SGCZ: variants seen among roughly 807,000 people sequenced by gnomAD.
SGCZ encodes zeta-sarcoglycan.
A neutral mutation model predicts 41.3 loss-of-function variants in SGCZ; 40 were observed. The ratio of observed to expected loss-of-function variants is 0.97; its 90% CI spans 0.75 to 1.26. The LOEUF is 1.26. SGCZ is among the 50% of genes most tolerant of loss of function. The pLI, the probability that SGCZ is intolerant of heterozygous loss-of-function variation, is 0.00. For missense variants in SGCZ, 552 were observed against 369.8 expected (o/e 1.49, Z -4.04); for synonymous variants, 206 against 137.5 (o/e 1.50, Z -3.49).
intron 1 of SGCZ, among the ~76,000 whole-genome samples, chr8:15,217,629 T>C (rs892024695): frequency 3.3e-5 from 5 of 152,110 alleles, no homozygotes; most frequent in Admixed American, 6.5e-5. Context: ...GAGACTGGCG[T>C]GCCTTTTCTT....
chr8:14,796,064 C>G (rs1452863376), intron 1 of SGCZ, among the ~76,000 whole-genome samples: 7 of 152,150 alleles, frequency 4.6e-5, no homozygotes, highest in African/African-American at 1.4e-4. Context: ...TTTCTTTATC[C>G]AGTCTATCAC....
intron 1 of SGCZ, among the ~76,000 whole-genome samples, chr8:14,909,115 C>T (rs1799205912): frequency 6.6e-6 from 1 of 152,106 alleles, no homozygotes; most frequent in South Asian, 2.1e-4. Flanking sequence ...ATCTAGTTTA[C>T]ACTATTAATC....
At chr8:14,091,812 G>A (rs529139694) in intron 7 of SGCZ, among the ~76,000 whole-genome samples, 1 of 152,152 alleles carries the variant, frequency 6.6e-6, no homozygotes, top group East Asian at 1.9e-4. Context: ...TTCTTTTGCT[G>A]GGCAGAAGCA....
chr8:15,180,925 A>G (rs1415078470), intron 1 of SGCZ, among the ~76,000 whole-genome samples: 2 of 152,086 alleles, frequency 1.3e-5, no homozygotes, highest in South Asian at 2.1e-4. Context: ...GGATACCAGC[A>G]CATAAACTGT....
chr8:14,281,870 T>C (rs2116919412), intron 3 of SGCZ, among the ~76,000 whole-genome samples: 1 of 2,132 alleles, frequency 4.7e-4, no homozygotes, highest in South Asian at 0.25. Flanking sequence ...ATACTGTTCT[T>C]TTTTTTTATT....
chr8:14,472,410 T>C (rs1194559173), intron 2 of SGCZ, among the ~76,000 whole-genome samples: 2 of 152,110 alleles, frequency 1.3e-5, no homozygotes, highest in Non-Finnish European at 2.9e-5. Flanking sequence ...TACCATTGTC[T>C]TTGAGTCTGA....
intron 4 of SGCZ, among the ~76,000 whole-genome samples, chr8:14,193,307 C>T (rs1805163377): frequency 6.9e-6 from 1 of 144,768 alleles, no homozygotes; most frequent in African/African-American, 2.6e-5. Context: ...TCATCATCTC[C>T]CTCTTTCCTA....
At chr8:14,607,730 G>A (rs897259490) in intron 1 of SGCZ, among the ~76,000 whole-genome samples, 3 of 152,112 alleles carry the variant, frequency 2.0e-5, no homozygotes, top group South Asian at 2.1e-4. Context: ...TAAATATAAA[G>A]TTAAAAGTAT....
At chr8:14,880,962 A>G (rs569793420) in intron 1 of SGCZ, among the ~76,000 whole-genome samples, 2 of 152,312 alleles carry the variant, frequency 1.3e-5, no homozygotes, top group East Asian at 3.9e-4. Context: ...AATAAAAAAA[A>G]AAGAAATATA....
chr8:14,682,473 C>T (rs1266052779), intron 1 of SGCZ, among the ~76,000 whole-genome samples: 2 of 146,200 alleles, frequency 1.4e-5, no homozygotes, highest in South Asian at 2.2e-4. Flanking sequence ...CTTGCTCTGT[C>T]GCCCAGGCTG....
intron 1 of SGCZ, among the ~76,000 whole-genome samples, chr8:14,680,963 GGAAAA>G (rs1431045450): frequency 1.7e-4 from 18 of 106,180 alleles, no homozygotes; most frequent in African/African-American, 6.5e-4. Context: ...AAAAAGAGTG[GGAAAA>G]AAAAAAAAAA....
chr8:14,171,087 A>G (rs1049504428), intron 4 of SGCZ, among the ~76,000 whole-genome samples: 11 of 151,656 alleles, frequency 7.3e-5, no homozygotes, highest in African/African-American at 2.4e-4. Context: ...TTTCTTGAAA[A>G]TATTTTACTA....
chr8:14,856,361 G>T (rs1260081883), intron 1 of SGCZ, among the ~76,000 whole-genome samples: 1 of 152,152 alleles, frequency 6.6e-6, no homozygotes, highest in African/African-American at 2.4e-5. Context: ...TAAAGGTTAG[G>T]GTTTGAGGCA....
chr8:14,784,916 ATATATATATATATAT>A (rs1800710820), intron 1 of SGCZ, among the ~76,000 whole-genome samples: 4 of 96,178 alleles, frequency 4.2e-5, no homozygotes, highest in Admixed American at 2.5e-4. Flanking sequence ...AAAAAAAAAT[ATATATATATATATAT>A]ATAAAATATA....
intron 3 of SGCZ, among the ~76,000 whole-genome samples, chr8:14,308,492 A>G (rs748229918): frequency 7.2e-5 from 11 of 152,038 alleles, no homozygotes; most frequent in African/African-American, 9.7e-5. Context: ...TCAAGCTTCA[A>G]TGCAGGGTAC....
intron 2 of SGCZ, among the ~76,000 whole-genome samples, chr8:14,550,375 T>A (rs906843137): frequency 1.3e-4 from 20 of 150,222 alleles, no homozygotes; most frequent in African/African-American, 4.9e-4. Flanking sequence ...ATATAAAATT[T>A]ATATTTATGC....
intron 2 of SGCZ, among the ~76,000 whole-genome samples, chr8:14,358,714 C>A (rs1451448325): frequency 1.3e-5 from 2 of 152,026 alleles, no homozygotes; most frequent in Non-Finnish European, 2.9e-5. Context: ...CGGGTTCAAG[C>A]AATTCTCTGC....
rs189942146 is a variant in SGCZ, at chr8:14,408,612, C to T, written c.235-84408G>A. On this transcript the variant is annotated intron_variant, in intron 2 of 7. Coordinates refer to ENST00000382080, the MANE Select transcript of SGCZ (RefSeq NM_139167.4). ...TATATAAATCAGTTTATATCACACC[C>T]CTGTATAATATTCTGCAGCAACATT... Among the ~76,000 whole-genome samples, 432 of 152,210 alleles carry T rather than the reference C, an allele frequency of 2.8e-3. 4 individuals are homozygous for T. In the Middle Eastern group the frequency reaches 0.034, roughly 12 times the overall value.
chr8:15,123,392 T>C (rs1807560168), intron 1 of SGCZ, among the ~76,000 whole-genome samples: 1 of 152,210 alleles, frequency 6.6e-6, no homozygotes, highest in African/African-American at 2.4e-5. Flanking sequence ...TTGCATTGTA[T>C]CTTATATGCA....
Sources: gnomAD v4.1 joint callset for allele counts (sites outside exome capture counted in the v4.1 genomes callset) on GRCh38, gnomAD v4.1.1 for gene constraint, MANE v1.5 for transcripts, NCBI Gene and HGNC (gene_info 2026-07-23, HGNC 2026-07-21) for gene names.